The following CALCRL variants were observed in gnomAD, a reference collection of about 807,000 sequenced individuals.
CALCRL encodes calcitonin gene-related peptide type 1 receptor.
In CALCRL, 27 loss-of-function variants were observed where a neutral mutation model predicts 60.4. The ratio of observed to expected loss-of-function variants is 0.45; its 90% CI spans 0.33 to 0.62. CALCRL has a LOEUF of 0.62. Ranked by LOEUF, CALCRL falls within the 20% of genes least tolerant of loss-of-function variation. The pLI, the probability that CALCRL is intolerant of heterozygous loss-of-function variation, is 0.03. For missense variants in CALCRL, 424 were observed against 540.7 expected (o/e 0.78, Z 2.14); for synonymous variants, 190 against 182.6 (o/e 1.04, Z -0.33).
At chr2:187,412,096 T>C (rs1689392815) in intron 1 of CALCRL, among the ~76,000 whole-genome samples, 1 of 151,392 alleles carries the variant, frequency 6.6e-6, no homozygotes, top group African/African-American at 2.4e-5. Context: ...TCTGGGACAG[T>C]AATGGCACAG....
intron 3 of CALCRL, among the ~76,000 whole-genome samples, chr2:187,385,976 C>G (rs1391046192): frequency 6.6e-6 from 1 of 152,062 alleles, no homozygotes; most frequent in African/African-American, 2.4e-5. Flanking sequence ...CAAGTGTGAG[C>G]CACCCTGCCC....
intron 8 of CALCRL, among the ~76,000 whole-genome samples, chr2:187,364,023 T>C (rs187160921): frequency 2.0e-5 from 3 of 152,320 alleles, no homozygotes; most frequent in Admixed American, 2.0e-4. Context: ...TCAGAATAGA[T>C]GAATTGATAA....
rs550883427 is a variant in CALCRL at position 187,437,327 on chromosome 2, G to A, written c.-293+10712C>T. 1.5e-4 allele frequency among the ~76,000 whole-genome samples: 12 copies of A among 78,812 alleles called. No individual in the cohort carries two copies. In the South Asian group the frequency reaches 4.5e-3, roughly 30 times the overall value. 51.7% of individuals were successfully genotyped at this position (78,812 alleles called of 152,430 possible). ...GGAGGCCGAGGCAGGCTGATCACGA[G>A]ATCAGGAAATCAAGACCATCCTGGC... On this transcript the variant is annotated intron_variant, in intron 1 of 14. Transcript: ENST00000392370.
rs1174255465 is a variant in CALCRL at position 187,363,360 on chromosome 2, A to G, written c.627+16T>C. ...ATTAGGCCCTTGAACCAAGGGCACA[A>G]TCTTGGTTTACTTACAGGATTTGTG... On this transcript the variant is annotated intron_variant, in intron 9 of 14. Transcript: ENST00000392370. 1 of 1,604,096 alleles carries G rather than the reference A, an allele frequency of 6.2e-7. No homozygotes were observed. Among genetic ancestry groups the G allele is most frequent in the Non-Finnish European group, 8.5e-7 (1 of 1,176,018 alleles).
In CALCRL at chr2:187,389,320, G is replaced by A. The variant is rs370418862; in HGVS notation, c.-292-1564C>T. ...ACTCCTGAGCTCAGGTGATCCACCC[G>A]CCTCCGCCTCCCAAAGTGCTGGGAT... On this transcript the variant is annotated intron_variant, in intron 1 of 14. Transcript: ENST00000392370. 2.2e-3 allele frequency among the ~76,000 whole-genome samples: 333 copies of A among 152,028 alleles called. 4 individuals are homozygous for A. Among genetic ancestry groups the A allele is most frequent in the African/African-American group, 7.5e-3 (312 of 41,512 alleles).
intron 1 of CALCRL, among the ~76,000 whole-genome samples, chr2:187,414,756 G>GT (rs1689523925): frequency 6.6e-6 from 1 of 152,026 alleles, no homozygotes; most frequent in African/African-American, 2.4e-5. Flanking sequence ...TCTTATTAAT[G>GT]TGAAACTGGA....
At chr2:187,405,963 GTGT>G (rs1689104851) in intron 1 of CALCRL, among the ~76,000 whole-genome samples, 6 of 3,460 alleles carry the variant, frequency 1.7e-3, no homozygotes, top group East Asian at 4.1e-3. Flanking sequence ...ATGTAGGGGT[GTGT>G]GTGTGTGTGT....
rs77035639 is a variant in CALCRL at position 187,355,574 on chromosome 2, A to G, written c.910-3242T>C. Among the ~76,000 whole-genome samples the G allele has an allele frequency of 3.1e-4, 47 of 152,224 alleles. 1 individual carries two copies. In the East Asian group the frequency reaches 8.9e-3, roughly 29 times the overall value. ...TAAATAATAGAATATCTGTATTTAA[A>G]AAGAGTCTGAAGAGACGAATGAGGA... On this transcript the variant is annotated intron_variant, in intron 12 of 14. Transcript: ENST00000392370.
At chr2:187,359,864 G>GTA (rs1246965181) in intron 10 of CALCRL, among the ~76,000 whole-genome samples, 1 of 151,976 alleles carries the variant, frequency 6.6e-6, no homozygotes, top group Non-Finnish European at 1.5e-5. Flanking sequence ...GCGTGTGTGT[G>GTA]TATATATACA....
intron 14 of CALCRL, among the ~76,000 whole-genome samples, chr2:187,350,171 T>C (rs1474207865): frequency 6.6e-6 from 1 of 151,640 alleles, no homozygotes. Context: ...AGTGAGTGTG[T>C]TTTGAATATT....
At chr2:187,415,017 G>A (rs138626955) in intron 1 of CALCRL, among the ~76,000 whole-genome samples, 131 of 151,756 alleles carry the variant, frequency 8.6e-4, no homozygotes, top group African/African-American at 3.0e-3. Context: ...TGTGGTCACT[G>A]GTGCTGTCAC....
At position 187,342,117 on chromosome 2, in the gene CALCRL, T is replaced by A. The variant is rs2105667414; in HGVS notation, c.*4067A>T. ...AAAACATGAATGAATTTTAAAAACATAAGTGAAATCATTTAGTCACAAAAG... is the reference window on the plus strand; with the variant it reads ...AAAACATGAATGAATTTTAAAAACAAAAGTGAAATCATTTAGTCACAAAAG... On this transcript the variant is annotated 3_prime_UTR_variant, in exon 15 of 15. Transcript: ENST00000392370. Among the ~76,000 whole-genome samples, 1 of 151,848 alleles carries A rather than the reference T, an allele frequency of 6.6e-6. No individual in the cohort carries two copies. The highest frequency in any genetic ancestry group is 2.4e-5 in the African/African-American group (1 of 41,508).
In CALCRL at chr2:187,343,543, C is replaced by G. The variant is rs898644864; in HGVS notation, c.*2641G>C. ...ATACATTGGATTACATTTAAACAAA[C>G]ACTGCATTCCAGAATGAATATTTTA... On this transcript the variant is annotated 3_prime_UTR_variant, in exon 15 of 15. Coordinates refer to ENST00000392370, the MANE Select transcript of CALCRL (RefSeq NM_005795.6). 2 of 151,878 alleles carry G rather than the reference C, an allele frequency of 1.3e-5. No homozygotes were observed. The highest frequency in any genetic ancestry group is 2.4e-5 in the African/African-American group (1 of 41,394). 9.4% of individuals were successfully genotyped at this position (151,878 alleles called of 1,614,324 possible). A position where few individuals can be genotyped will look rare whatever the true frequency, so the allele number is the denominator to read the frequency against.
At chr2:187,380,323 T>C in intron 7 of CALCRL, 144 bp downstream of exon 7, 1 of 523,556 alleles carries the variant, frequency 1.9e-6, no homozygotes. Context: ...GATATATTTC[T>C]TCTTTATTCT....
At chr2:187,371,051 G>C (rs1220832895) in intron 8 of CALCRL, among the ~76,000 whole-genome samples, 1 of 151,992 alleles carries the variant, frequency 6.6e-6, no homozygotes, top group Non-Finnish European at 1.5e-5. Context: ...GATCATCCTG[G>C]CTAACACGGT....
Position 187,346,010 on chromosome 2 carries a change from C to T in CALCRL, c.*174G>A. ...TTACAAACCAGGATTTCTTTTTTCC[C>T]ACATAGAGCTGGATGTTACACTCTT... On this transcript the variant is annotated 3_prime_UTR_variant, in exon 15 of 15. Coordinates refer to ENST00000392370, the MANE Select transcript of CALCRL (RefSeq NM_005795.6). 2.0e-6 allele frequency: 1 copy of T among 493,810 alleles called. No homozygotes were observed. 30.6% of individuals were successfully genotyped at this position (493,810 alleles called of 1,614,324 possible). A position where few individuals can be genotyped will look rare whatever the true frequency, so the allele number is the denominator to read the frequency against.
At chr2:187,408,217 G>T (rs964633229) in intron 1 of CALCRL, among the ~76,000 whole-genome samples, 1 of 151,902 alleles carries the variant, frequency 6.6e-6, no homozygotes, top group African/African-American at 2.4e-5. Context: ...ATTTACTTCA[G>T]ATATACGTGA....
chr2:187,389,230 G>A (rs996313157), intron 1 of CALCRL, among the ~76,000 whole-genome samples: 24 of 151,866 alleles, frequency 1.6e-4, no homozygotes, highest in African/African-American at 5.3e-4. Flanking sequence ...CCACCACTGC[G>A]CCTGGCTAAT....
In CALCRL at chr2:187,385,610, G is replaced by T; in HGVS notation, c.-15C>A. ...TTTTTCTCCATCATTAAGCCAAAAT[G>T]AAATATGCTGTATAACATAAACTGC... On this transcript the variant is annotated 5_prime_UTR_variant, in exon 4 of 15. Coordinates refer to ENST00000392370, the MANE Select transcript of CALCRL (RefSeq NM_005795.6). 1.3e-6 allele frequency: 2 copies of T among 1,547,690 alleles called. No homozygotes were observed. The highest frequency in any genetic ancestry group is 1.2e-5 in the South Asian group (1 of 85,722).
Sources: allele counts gnomAD v4.1 joint callset (sites outside exome capture counted in the v4.1 genomes callset), GRCh38; gene constraint gnomAD v4.1.1; transcripts MANE v1.5; gene names NCBI Gene and HGNC (gene_info 2026-07-23, HGNC 2026-07-21).